Variants in DEDD2 observed in about 807,000 individuals in gnomAD.
DEDD2 encodes the protein death effector domain containing 2.
In DEDD2, 18 loss-of-function variants were observed where a neutral mutation model predicts 28.9. That is an observed-to-expected ratio of 0.62 (90% CI 0.43 to 0.92). DEDD2 has a LOEUF of 0.92. DEDD2 is among the 40% of genes least tolerant of loss of function. The pLI, the probability that DEDD2 is intolerant of heterozygous loss-of-function variation, is 0.00. For synonymous variants in DEDD2, 211 were observed against 206.1 expected, an observed-to-expected ratio of 1.02 and a Z score of -0.20; for missense variants, 411 against 463.3, an observed-to-expected ratio of 0.89 and a Z score of 1.04.
At chr19:42,216,620 C>A in intron 2 of DEDD2, 60 bp downstream of exon 2, 7 of 1,473,296 alleles carry the variant, frequency 4.8e-6, no homozygotes, top group Middle Eastern at 1.8e-4. Flanking sequence ...ACCAGGGAGG[C>A]CCAGCGGGAG....
At chr19:42,205,624 T>C (rs901733447) in intron 4 of DEDD2, among the ~76,000 whole-genome samples, 5 of 148,918 alleles carry the variant, frequency 3.4e-5, no homozygotes, top group African/African-American at 1.0e-4. Flanking sequence ...CAAAACTCCA[T>C]CTCAAAAAAA....
At chr19:42,207,369 C>A (rs1049894450) in intron 4 of DEDD2, among the ~76,000 whole-genome samples, 2 of 152,080 alleles carry the variant, frequency 1.3e-5, no homozygotes, top group Non-Finnish European at 1.5e-5. Context: ...GAAGGAAGCA[C>A]CCCCAGGCCA....
At chr19:42,210,109 A>C (rs1312702757) in intron 3 of DEDD2, among the ~76,000 whole-genome samples, 1 of 152,156 alleles carries the variant, frequency 6.6e-6, no homozygotes, top group African/African-American at 2.4e-5. Context: ...ACACCAGGAG[A>C]CACACACGAC....
chr19:42,199,317 C>G lies in DEDD2; in HGVS notation c.*121G>C. ...GGGGCTGTCAAGGGGCCTGCTGTCC[C>G]GGTCCTGTCGCAGTCCTCAAAGATG... On this transcript the variant is annotated 3_prime_UTR_variant, in exon 5 of 5. Coordinates refer to ENST00000596251, the MANE Select transcript of DEDD2 (RefSeq NM_133328.4). The surrounding 1 kb of genome is among the most constrained non-coding windows in gnomAD (Gnocchi z 7.4). The G allele has an allele frequency of 1.5e-6, 2 of 1,372,010 alleles. No individual in the cohort carries two copies. Among genetic ancestry groups the G allele is most frequent in the Middle Eastern group, 2.6e-4 (1 of 3,794 alleles). The allele number at this position is 1,372,010 out of a possible 1,614,324, so 85.0% of individuals were successfully genotyped here.
chr19:42,199,919 C>A lies in DEDD2; in HGVS notation c.590-90G>T. The A allele has an allele frequency of 6.8e-7, 1 of 1,468,636 alleles. No individual in the cohort carries two copies. Among genetic ancestry groups the A allele is most frequent in the South Asian group, 1.4e-5 (1 of 71,402 alleles). The allele number at this position is 1,468,636 out of a possible 1,614,324, so 91.0% of individuals were successfully genotyped here. On this transcript the variant is annotated intron_variant, in intron 4 of 4. Coordinates refer to ENST00000596251, the MANE Select transcript of DEDD2 (RefSeq NM_133328.4). This position sits in a 1 kb window ranked among gnomAD's most constrained non-coding sequence, Gnocchi z 7.4. ...ACCCTTCCTCCCTCCAGCCTTCTCC[C>A]TCCACCCCCTTCCGGTAGCCACACC...
chr19:42,200,891 C>T (rs1317294870), intron 4 of DEDD2, among the ~76,000 whole-genome samples: 1 of 152,176 alleles, frequency 6.6e-6, no homozygotes, highest in East Asian at 1.9e-4. Flanking sequence ...TAATCATGAA[C>T]TTCACATACC....
At chr19:42,212,458 C>G (rs2035808677) in intron 3 of DEDD2, among the ~76,000 whole-genome samples, 1 of 151,606 alleles carries the variant, frequency 6.6e-6, no homozygotes, top group Non-Finnish European at 1.5e-5. Context: ...TGCCACCACA[C>G]CCGGCTCGTT....
At chr19:42,218,361 C>G (rs1187883817), upstream of DEDD2, among the ~76,000 whole-genome samples, 1 of 151,928 alleles carries the variant, frequency 6.6e-6, no homozygotes, top group Non-Finnish European at 1.5e-5. Flanking sequence ...CTGTGTACAT[C>G]TCGATGGCGT....
At position 42,209,620 on chromosome 19, in the gene DEDD2, C is replaced by T. The variant is rs1006639995; in HGVS notation, c.589+80G>A. On this transcript the variant is annotated intron_variant, in intron 4 of 4. Transcript: ENST00000596251. ...CATCTGCCAAGTGTGTCACATCCCC[C>T]AGAAAAATGCTCATTTCTCCCACCC... The T allele has an allele frequency of 6.0e-6, 9 of 1,501,210 alleles. No individual in the cohort carries two copies. In the South Asian group the frequency reaches 1.1e-4, roughly 18 times the overall value. The allele number at this position is 1,501,210 out of a possible 1,614,324, so 93.0% of individuals were successfully genotyped here.
intron 4 of DEDD2, among the ~76,000 whole-genome samples, chr19:42,209,421 C>A (rs935972991): frequency 6.6e-6 from 1 of 152,070 alleles, no homozygotes; most frequent in African/African-American, 2.4e-5. Context: ...AATAAGTAAA[C>A]CCCGGCAGAT....
intron 4 of DEDD2, among the ~76,000 whole-genome samples, chr19:42,200,498 T>C (rs894348859): frequency 2.6e-5 from 4 of 152,168 alleles, no homozygotes; most frequent in Non-Finnish European, 4.4e-5. Context: ...ATCCCTCCCA[T>C]CCACCTGAGC....
rs149135613 is a variant in DEDD2, at chr19:42,199,798, G to A, written c.621C>T (p.Cys207=). 0.011 allele frequency: 18,333 copies of A among 1,602,140 alleles called. 110 individuals carry two copies. The highest frequency in any genetic ancestry group is 0.018 in the Middle Eastern group (106 of 6,048). ...CCTGCTCCAAGGCTGGCCCATGCTCGCAGTACTCTGCTCGAACCCGGAGCC... is the reference window on the plus strand; with the variant it reads ...CCTGCTCCAAGGCTGGCCCATGCTCACAGTACTCTGCTCGAACCCGGAGCC... ...DIRLRVRAEY[C]EHGPALEQGV... is the part of the protein sequence containing the mutation. Residue 207 remains cysteine (C), a synonymous_variant, in exon 5 of 5, where the codon TGC becomes TGT. Coordinates refer to ENST00000596251, the MANE Select transcript of DEDD2 (RefSeq NM_133328.4). The surrounding 1 kb of genome is among the most constrained non-coding windows in gnomAD (Gnocchi z 7.4).
intron 4 of DEDD2, among the ~76,000 whole-genome samples, chr19:42,200,506 A>G (rs1181097865): frequency 1.3e-5 from 2 of 152,178 alleles, no homozygotes; most frequent in Non-Finnish European, 2.9e-5. Context: ...CATCCACCTG[A>G]GCCAGCACTG....
In DEDD2 at chr19:42,199,736, T is replaced by A; in HGVS notation, c.683A>T (p.Gln228Leu). ...ASRRPQALAR[Q>L]LDVFGQATAV... ...GGTGGCCTGCCCAAACACGTCCAGC[T>A]GCCGCGCCAGCGCCTGGGGCCGCCG... Residue 228 changes from glutamine to leucine, a missense_variant, in exon 5 of 5, where the codon CAG becomes CTG. Coordinates refer to ENST00000596251, the MANE Select transcript of DEDD2 (RefSeq NM_133328.4). The surrounding 1 kb of genome is among the most constrained non-coding windows in gnomAD (Gnocchi z 7.4). The A allele has an allele frequency of 6.2e-7, 1 of 1,613,480 alleles. No homozygotes were observed. Among genetic ancestry groups the A allele is most frequent in the Non-Finnish European group, 8.5e-7 (1 of 1,179,704 alleles).
chr19:42,216,293 A>C, intron 2 of DEDD2, among the ~76,000 whole-genome samples: 1 of 152,352 alleles, frequency 6.6e-6, no homozygotes, highest in East Asian at 1.9e-4. Flanking sequence ...AGGCCCAGCA[A>C]ACAGGATTGT....
chr19:42,206,675 C>A (rs759657782), intron 4 of DEDD2, among the ~76,000 whole-genome samples: 3 of 152,172 alleles, frequency 2.0e-5, no homozygotes, highest in African/African-American at 7.2e-5. Flanking sequence ...CTGTGTCCAA[C>A]CCTAGGACCA....
chr19:42,201,027 A>T (rs1490606849), intron 4 of DEDD2, among the ~76,000 whole-genome samples: 1 of 152,212 alleles, frequency 6.6e-6, no homozygotes, highest in Non-Finnish European at 1.5e-5. Flanking sequence ...AGCAGCCAAC[A>T]CTTACAGAGT....
rs61744824 is a variant in DEDD2, at chr19:42,215,159, T to C, written c.422A>G (p.Asn141Ser). ...TGTCTCCCACTGACCCTGCTGAGAA[T>C]TTGCAGAACTGCTTGACTGCCGACG... ...RRRRQSSSSA[N>S]SQQGQWETGS... The change falls in exon 3 of 5, where the codon AAT (asparagine) becomes AGT (serine). Residue 141 changes from asparagine to serine, a missense_variant. By Grantham distance (46) the Asn-to-Ser change is conservative. Coordinates refer to ENST00000596251, the MANE Select transcript of DEDD2 (RefSeq NM_133328.4). 1.4e-3 allele frequency: 2,291 copies of C among 1,614,108 alleles called. 29 individuals are homozygous for C. In the African/African-American group the frequency reaches 0.025, roughly 18 times the overall value.
chr19:42,210,513 G>A (rs2035714407), intron 3 of DEDD2, among the ~76,000 whole-genome samples: 1 of 151,864 alleles, frequency 6.6e-6, no homozygotes, highest in Non-Finnish European at 1.5e-5. Flanking sequence ...CCTGCCTCAG[G>A]TTCCCAAGTA....
Sources: allele counts gnomAD v4.1 joint callset (sites outside exome capture counted in the v4.1 genomes callset), GRCh38; gene constraint gnomAD v4.1.1; non-coding constraint Gnocchi (gnomAD v3.1); transcripts MANE v1.5; gene names NCBI Gene and HGNC (gene_info 2026-07-23, HGNC 2026-07-21).